The following CRPPA variants were observed in gnomAD, a reference collection of about 807,000 sequenced individuals.
The protein encoded by CRPPA is D-ribitol-5-phosphate cytidylyltransferase.
In CRPPA, 43 loss-of-function variants were observed where a neutral mutation model predicts 52.0. The observed-to-expected ratio is 0.83, with a 90% confidence interval of 0.65 to 1.07. CRPPA has a LOEUF of 1.07. CRPPA is among the 50% of genes least tolerant of loss of function. The probability of loss-of-function intolerance (pLI) is 0.00; values close to 1 mark genes in which losing one functional copy is unlikely to be tolerated. For missense variants in CRPPA, 629 were observed against 551.7 expected (o/e 1.14, Z -1.40); for synonymous variants, 250 against 203.5 (o/e 1.23, Z -1.94).
At chr7:16,170,914 G>A (rs1264698678) in intron 9 of CRPPA, among the ~76,000 whole-genome samples, 1 of 152,220 alleles carries the variant, frequency 6.6e-6, no homozygotes, top group East Asian at 1.9e-4. Context: ...ACTGGCCTGC[G>A]AGCGCCCCGC....
chr7:16,209,172 C>T (rs887760892), intron 9 of CRPPA: 3 of 336,962 alleles, frequency 8.9e-6, no homozygotes, highest in Non-Finnish European at 1.7e-5. Flanking sequence ...AAGCCCAGAC[C>T]AACCGCAGAT....
intron 2 of CRPPA, among the ~76,000 whole-genome samples, chr7:16,397,935 G>C (rs981101437): frequency 6.6e-6 from 1 of 152,224 alleles, no homozygotes; most frequent in Non-Finnish European, 1.5e-5. Context: ...GCAGGTGATT[G>C]ACACGTGATT....
At chr7:16,188,248 G>A (rs1781544156) in intron 9 of CRPPA, among the ~76,000 whole-genome samples, 1 of 151,584 alleles carries the variant, frequency 6.6e-6, no homozygotes. Flanking sequence ...CCTCCCAAAG[G>A]GTGAATTCTT....
intron 1 of CRPPA, among the ~76,000 whole-genome samples, chr7:16,406,599 T>G (rs1212403698): frequency 6.6e-6 from 1 of 152,242 alleles, no homozygotes; most frequent in Non-Finnish European, 1.5e-5. Flanking sequence ...ACATAGTATA[T>G]AGTACTACCA....
At chr7:16,366,180 A>G (rs1786583994) in intron 3 of CRPPA, among the ~76,000 whole-genome samples, 1 of 152,148 alleles carries the variant, frequency 6.6e-6, no homozygotes, top group Non-Finnish European at 1.5e-5. Flanking sequence ...TTCTAAGTGT[A>G]CTAATCTCAT....
intron 2 of CRPPA, among the ~76,000 whole-genome samples, chr7:16,385,346 A>G (rs1278443276): frequency 1.3e-5 from 2 of 152,310 alleles, no homozygotes; most frequent in Non-Finnish European, 1.5e-5. Context: ...ATCCACATCT[A>G]GACACATCAT....
At chr7:16,270,166 G>A (rs895517756) in intron 6 of CRPPA, 1 of 152,042 alleles carries the variant, frequency 6.6e-6, no homozygotes, top group Non-Finnish European at 1.5e-5. Flanking sequence ...GGTGGTGGCT[G>A]GTTTCTGTTT....
intron 2 of CRPPA, among the ~76,000 whole-genome samples, chr7:16,383,979 T>C (rs1447283369): frequency 2.0e-5 from 3 of 152,222 alleles, no homozygotes; most frequent in Admixed American, 6.5e-5. Context: ...CTGCTTTGGC[T>C]CGCGCACGGT....
chr7:16,243,978 C>T (rs531108625), intron 8 of CRPPA, among the ~76,000 whole-genome samples: 1 of 152,052 alleles, frequency 6.6e-6, no homozygotes, highest in Non-Finnish European at 1.5e-5. Context: ...AATCAATCAA[C>T]CAATAACCAC....
chr7:16,409,014 G>T (rs1788019826), intron 1 of CRPPA, among the ~76,000 whole-genome samples: 1 of 152,180 alleles, frequency 6.6e-6, no homozygotes, highest in Admixed American at 6.5e-5. Context: ...CAATTCTCCT[G>T]CCTCAGCCTC....
rs1781796158 is a variant in CRPPA, at chr7:16,089,704, C to T, written c.*1991G>A. ...GACCAAATGCTATTTTTTCCAGGCA[C>T]AACTTAATATTTTATTAACTAAATT... is the stretch of plus-strand genomic sequence containing the variant. On this transcript the variant is annotated 3_prime_UTR_variant, in exon 10 of 10. Transcript: ENST00000407010. The T allele has an allele frequency of 5.1e-6, 1 of 197,594 alleles. No individual in the cohort carries two copies. Among genetic ancestry groups the T allele is most frequent in the African/African-American group, 2.3e-5 (1 of 43,624 alleles). 12.2% of individuals were successfully genotyped at this position (197,594 alleles called of 1,614,324 possible).
At chr7:16,247,102 G>A (rs931376513) in intron 8 of CRPPA, among the ~76,000 whole-genome samples, 2 of 152,200 alleles carry the variant, frequency 1.3e-5, no homozygotes, top group African/African-American at 2.4e-5. Flanking sequence ...ATAACTTAGC[G>A]CAGCCTCAAC....
chr7:16,101,301 T>C (rs1260486795), intron 9 of CRPPA, among the ~76,000 whole-genome samples: 1 of 152,168 alleles, frequency 6.6e-6, no homozygotes, highest in African/African-American at 2.4e-5. Context: ...TTTTGGTTGG[T>C]AGGCTACCAA....
At chr7:16,370,908 C>T (rs1020039404) in intron 3 of CRPPA, among the ~76,000 whole-genome samples, 1 of 152,204 alleles carries the variant, frequency 6.6e-6, no homozygotes, top group Admixed American at 6.5e-5. Context: ...ACAGAAGGGG[C>T]ACTCCTGGAT....
chr7:16,363,711 A>G (rs1261401812), intron 3 of CRPPA, among the ~76,000 whole-genome samples: 1 of 152,206 alleles, frequency 6.6e-6, no homozygotes, highest in African/African-American at 2.4e-5. Context: ...CATTACTGCA[A>G]CATGATACTG....
At chr7:16,162,435 C>T (rs953051346) in intron 9 of CRPPA, among the ~76,000 whole-genome samples, 1 of 152,190 alleles carries the variant, frequency 6.6e-6, no homozygotes. Context: ...TTGTTATCTA[C>T]ACAGGAGTCA....
intron 5 of CRPPA, among the ~76,000 whole-genome samples, chr7:16,283,476 G>T (rs1387878575): frequency 6.7e-6 from 1 of 148,236 alleles, no homozygotes; most frequent in African/African-American, 2.5e-5. Context: ...TGTATCTATG[G>T]GTATAGATAC....
At chr7:16,243,536 A>G (rs1783184163) in intron 8 of CRPPA, among the ~76,000 whole-genome samples, 1 of 152,204 alleles carries the variant, frequency 6.6e-6, no homozygotes, top group African/African-American at 2.4e-5. Flanking sequence ...ACTTCTCAAA[A>G]GAAGACTACA....
intron 3 of CRPPA, among the ~76,000 whole-genome samples, chr7:16,347,272 T>C (rs1786038057): frequency 6.6e-6 from 1 of 152,158 alleles, no homozygotes; most frequent in African/African-American, 2.4e-5. Flanking sequence ...TATGACTCTA[T>C]TACTGTGATA....
Sources: allele counts gnomAD v4.1 joint callset (sites outside exome capture counted in the v4.1 genomes callset), GRCh38; gene constraint gnomAD v4.1.1; transcripts MANE v1.5; gene names NCBI Gene and HGNC (gene_info 2026-07-23, HGNC 2026-07-21).